COBL: variants seen among roughly 807,000 people sequenced by gnomAD.
The protein encoded by COBL is cordon-bleu WH2 repeat protein.
A neutral mutation model predicts 98.8 loss-of-function variants in COBL; 51 were observed. The ratio of observed to expected loss-of-function variants is 0.52; its 90% CI spans 0.41 to 0.65. The LOEUF is 0.65. Among genes scored for constraint, COBL ranks in the 30% least tolerant of loss-of-function variants. COBL has a pLI of 0.00. For missense variants in COBL, 1,617 were observed against 1,617.5 expected (o/e 1.00, Z 0.01); for synonymous variants, 634 against 651.7 (o/e 0.97, Z 0.41).
At chr7:51,084,177 G>C (rs112338045) in intron 7 of COBL, among the ~76,000 whole-genome samples, 2 of 152,164 alleles carry the variant, frequency 1.3e-5, no homozygotes, top group Non-Finnish European at 2.9e-5. Context: ...TGACTAAGGG[G>C]AAAGACGCTG....
intron 7 of COBL, chr7:51,072,903 C>G (rs1792708188): frequency 6.5e-6 from 1 of 153,156 alleles, no homozygotes; most frequent in African/African-American, 2.4e-5. Context: ...TGTTTTTAGG[C>G]ACTTAGTTTT....
chr7:51,143,689 T>A (rs1456169753), intron 5 of COBL, among the ~76,000 whole-genome samples: 4 of 152,238 alleles, frequency 2.6e-5, no homozygotes, highest in African/African-American at 9.6e-5. Context: ...TAAATATGAT[T>A]GTTTCTAAAA....
intron 6 of COBL, among the ~76,000 whole-genome samples, chr7:51,103,210 G>A (rs1228033910): frequency 1.3e-5 from 2 of 152,118 alleles, no homozygotes; most frequent in East Asian, 3.9e-4. Context: ...TTATCAAAGT[G>A]TAAGTGTTCT....
chr7:51,233,784 A>G (rs1794987626), intron 1 of COBL, among the ~76,000 whole-genome samples: 1 of 152,212 alleles, frequency 6.6e-6, no homozygotes, highest in Non-Finnish European at 1.5e-5. Context: ...GGATGTGCAC[A>G]TGCCAATGTC....
chr7:51,309,491 C>A (rs1414647418), intron 1 of COBL, among the ~76,000 whole-genome samples: 3 of 152,236 alleles, frequency 2.0e-5, no homozygotes, highest in South Asian at 4.1e-4. Context: ...CAAATCTGCA[C>A]CGAACTAGGC....
At chr7:51,268,931 A>AC (rs1798483576) in intron 1 of COBL, among the ~76,000 whole-genome samples, 1 of 116,228 alleles carries the variant, frequency 8.6e-6, no homozygotes, top group African/African-American at 3.2e-5. Flanking sequence ...CCCCGTCTCA[A>AC]TAAAAAAAAA....
intron 1 of COBL, among the ~76,000 whole-genome samples, chr7:51,286,666 C>A (rs1800398698): frequency 6.6e-6 from 1 of 152,104 alleles, no homozygotes; most frequent in Admixed American, 6.6e-5. Context: ...GATGGGAATG[C>A]AAATTAGTTC....
At chr7:51,170,218 G>A (rs969343877) in intron 5 of COBL, among the ~76,000 whole-genome samples, 6 of 151,342 alleles carry the variant, frequency 4.0e-5, no homozygotes, top group African/African-American at 1.5e-4. Context: ...ATGGCTATTC[G>A]ATGATCACAA....
At chr7:51,177,807 TAA>T (rs1788534333) in intron 5 of COBL, among the ~76,000 whole-genome samples, 2 of 150,082 alleles carry the variant, frequency 1.3e-5, no homozygotes, top group African/African-American at 4.9e-5. Flanking sequence ...AATAAATAAA[TAA>T]ATAAATAAAA....
At chr7:51,243,732 G>A (rs1024389341) in intron 1 of COBL, among the ~76,000 whole-genome samples, 1 of 152,190 alleles carries the variant, frequency 6.6e-6, no homozygotes, top group Non-Finnish European at 1.5e-5. Context: ...ACTAGTGATT[G>A]TCGGAGTTGG....
rs143015976 is a variant in COBL at position 51,289,447 on chromosome 7, A to T, written c.41+27146T>A. Among the ~76,000 whole-genome samples the T allele has an allele frequency of 8.8e-3, 1,342 of 152,206 alleles. 24 individuals carry two copies. The highest frequency in any genetic ancestry group is 0.031 in the African/African-American group (1,276 of 41,516). ...CAAAGCAGCCAGAGCTTGTTTTCTA[A>T]AACAGGAGCTTATGATCTTCCATGG... On this transcript the variant is annotated intron_variant, in intron 1 of 12. Transcript: ENST00000265136.
chr7:51,080,507 C>T (rs538124741), intron 7 of COBL, among the ~76,000 whole-genome samples: 20 of 152,228 alleles, frequency 1.3e-4, no homozygotes, highest in African/African-American at 4.6e-4. Context: ...CCCTCTGTAC[C>T]GCTTATGGTG....
chr7:51,100,505 C>G (rs1448267426), intron 6 of COBL, among the ~76,000 whole-genome samples: 1 of 152,210 alleles, frequency 6.6e-6, no homozygotes, highest in South Asian at 2.1e-4. Context: ...CTGAAGCCCT[C>G]TAAGCTCTCA....
chr7:51,050,976 A>C (rs1039845266), intron 7 of COBL, among the ~76,000 whole-genome samples: 1 of 152,206 alleles, frequency 6.6e-6, no homozygotes, highest in African/African-American at 2.4e-5. Context: ...ATTAAATTAC[A>C]TATTAAATTG....
chr7:51,193,701 T>G, intron 2 of COBL, 112 bp from the exon 3 acceptor site: 2 of 897,790 alleles, frequency 2.2e-6, no homozygotes, highest in East Asian at 2.6e-5. Flanking sequence ...AAATTAGATA[T>G]GCTTATGAAA....
chr7:51,156,199 C>A (rs1270224562), intron 5 of COBL: 1 of 984,496 alleles, frequency 1.0e-6, no homozygotes, highest in Non-Finnish European at 1.2e-6. Context: ...TCTGCACACA[C>A]ACACACACAC....
intron 5 of COBL, among the ~76,000 whole-genome samples, chr7:51,153,793 C>T (rs1785809239): frequency 6.6e-6 from 1 of 152,212 alleles, no homozygotes; most frequent in Admixed American, 6.5e-5. Flanking sequence ...CCTCTATTCT[C>T]CCTTTCAGTG....
intron 8 of COBL, chr7:51,035,257 G>A (rs1788524184): frequency 1.3e-5 from 2 of 152,206 alleles, no homozygotes; most frequent in Admixed American, 1.3e-4. Flanking sequence ...CATTTGCTAT[G>A]AGGGAGAATG....
chr7:51,148,629 T>C (rs1785260736), intron 5 of COBL, among the ~76,000 whole-genome samples: 1 of 152,202 alleles, frequency 6.6e-6, no homozygotes, highest in African/African-American at 2.4e-5. Flanking sequence ...CATTCCTGAA[T>C]TTCCTTAGCT....
Sources: gnomAD v4.1 joint callset for allele counts (sites outside exome capture counted in the v4.1 genomes callset) on GRCh38, gnomAD v4.1.1 for gene constraint, MANE v1.5 for transcripts, NCBI Gene and HGNC (gene_info 2026-07-23, HGNC 2026-07-21) for gene names.